PDGFD: variants seen among roughly 807,000 people sequenced by gnomAD.
PDGFD encodes platelet-derived growth factor D.
PDGFD carries 30 observed loss-of-function variants against 44.7 expected under a neutral mutation model. The ratio of observed to expected loss-of-function variants is 0.67; its 90% CI spans 0.50 to 0.91. The LOEUF is 0.91. Among genes scored for constraint, PDGFD ranks in the 40% least tolerant of loss-of-function variants. PDGFD has a pLI of 0.00. For missense variants in PDGFD, 445 were observed against 457.8 expected (o/e 0.97, Z 0.25); for synonymous variants, 173 against 168.4 (o/e 1.03, Z -0.21).
intron 3 of PDGFD, among the ~76,000 whole-genome samples, chr11:103,990,816 A>G (rs189365853): frequency 2.0e-5 from 3 of 152,264 alleles, no homozygotes; most frequent in East Asian, 3.9e-4. Flanking sequence ...CCGAAGGTCA[A>G]TGGTCCTTTA....
chr11:104,019,052 A>T (rs1439867043), intron 1 of PDGFD, among the ~76,000 whole-genome samples: 1 of 152,122 alleles, frequency 6.6e-6, no homozygotes, highest in Non-Finnish European at 1.5e-5. Context: ...TCACCAGGAA[A>T]ACTCTTCTTT....
chr11:104,125,959 T>C (rs939652261), intron 1 of PDGFD, among the ~76,000 whole-genome samples: 1 of 152,168 alleles, frequency 6.6e-6, no homozygotes, highest in Admixed American at 6.5e-5. Flanking sequence ...TGTAACCTCA[T>C]ACATATCATG....
intron 1 of PDGFD, among the ~76,000 whole-genome samples, chr11:104,077,106 G>A (rs1389224571): frequency 2.0e-5 from 3 of 152,168 alleles, no homozygotes; most frequent in Non-Finnish European, 2.9e-5. Flanking sequence ...CTGAGTGCAC[G>A]AGGGTTTGGT....
rs145009505 is a variant in PDGFD, at chr11:104,074,387, T to C, written c.125-74132A>G. ...GGGCAAGTGATACAAGTGCCTAGAA[T>C]TTTCTTTAAGTTGGAACATCTTAAA... On this transcript the variant is annotated intron_variant, in intron 1 of 6. Transcript: ENST00000393158. Among the ~76,000 whole-genome samples the C allele has an allele frequency of 4.6e-5, 7 of 152,336 alleles. No homozygotes were observed. The East Asian group carries it at 1.3e-3, about 29-fold the overall frequency.
At chr11:103,969,474 GTTTTTTTT>G (rs66571550) in intron 3 of PDGFD, among the ~76,000 whole-genome samples, 1 of 89,808 alleles carries the variant, frequency 1.1e-5, no homozygotes, top group African/African-American at 4.4e-5. Context: ...ACCAAGCCTG[GTTTTTTTT>G]TTTTTTTTTT....
chr11:104,000,244 G>A lies in PDGFD; in HGVS notation c.136C>T (p.Leu46Phe), dbSNP rs555056804. The A allele has an allele frequency of 6.2e-7, 1 of 1,613,698 alleles. No individual in the cohort carries two copies. Among genetic ancestry groups the A allele is most frequent in the Non-Finnish European group, 8.5e-7 (1 of 1,179,828 alleles). Residue 46 changes from leucine (L) to phenylalanine (F), a missense_variant, in exon 2 of 7, where the codon CTC becomes TTC. By Grantham distance (22) the Leu-to-Phe change is conservative. Transcript: ENST00000393158. Reference protein sequence around the residue: ...ANLRRDESNHLTDLYRRDETI... With the variant: ...ANLRRDESNHFTDLYRRDETI... The stretch of plus-strand genomic sequence containing the variant: ...TCATCTCTTCGGTACAAGTCTGTGA[G>A]GTGATTGCTCTCTGTTAGTAGTCAC...
At chr11:103,917,648 A>G (rs536932438) in intron 6 of PDGFD, among the ~76,000 whole-genome samples, 1 of 152,120 alleles carries the variant, frequency 6.6e-6, no homozygotes, top group South Asian at 2.1e-4. Flanking sequence ...TGGAAAAGGT[A>G]TCATTATGCC....
At position 104,000,033 on chromosome 11, in the gene PDGFD, A is replaced by G; in HGVS notation, c.329+18T>C. 6.2e-7 allele frequency: 1 copy of G among 1,603,652 alleles called. No homozygotes were observed. The highest frequency in any genetic ancestry group is 1.1e-5 in the South Asian group (1 of 90,484). On this transcript the variant is annotated intron_variant, in intron 2 of 6. Coordinates refer to ENST00000393158, the MANE Select transcript of PDGFD (RefSeq NM_025208.5). ...TTCACCTTGAAATAGTACCGTAAAAATTTTTTTCCCAACTTACCTACAGAT... is the reference window on the plus strand; with the variant it reads ...TTCACCTTGAAATAGTACCGTAAAAGTTTTTTTCCCAACTTACCTACAGAT...
intron 1 of PDGFD, among the ~76,000 whole-genome samples, chr11:104,040,335 T>C (rs1329869951): frequency 6.6e-6 from 1 of 152,074 alleles, no homozygotes; most frequent in Non-Finnish European, 1.5e-5. Context: ...CTATACTGAA[T>C]TGAAAAGCAA....
chr11:104,102,985 G>A (rs1019578708), intron 1 of PDGFD, among the ~76,000 whole-genome samples: 2 of 151,990 alleles, frequency 1.3e-5, no homozygotes, highest in African/African-American at 2.4e-5. Flanking sequence ...GTTAAATGAC[G>A]AGTTAATGGG....
intron 1 of PDGFD, among the ~76,000 whole-genome samples, chr11:104,021,633 A>G (rs1473073153): frequency 1.3e-5 from 2 of 152,186 alleles, no homozygotes; most frequent in African/African-American, 2.4e-5. Flanking sequence ...TCGATATCCA[A>G]CCTGACTCTG....
chr11:103,916,944 C>T (rs954717727), intron 6 of PDGFD, among the ~76,000 whole-genome samples: 3 of 151,960 alleles, frequency 2.0e-5, no homozygotes, highest in Admixed American at 6.6e-5. Flanking sequence ...TTTGTGGGTG[C>T]GGGACTAGGG....
chr11:104,142,870 G>C (rs531906422), intron 1 of PDGFD, among the ~76,000 whole-genome samples: 5 of 152,268 alleles, frequency 3.3e-5, no homozygotes, highest in African/African-American at 1.2e-4. Flanking sequence ...TGTCCGCGAA[G>C]GTTTCAAAGC....
At chr11:104,055,260 G>T (rs1231643725) in intron 1 of PDGFD, among the ~76,000 whole-genome samples, 4 of 152,312 alleles carry the variant, frequency 2.6e-5, no homozygotes, top group Non-Finnish European at 5.9e-5. Context: ...GGGGTCACAC[G>T]GATGTGAGTT....
At chr11:103,979,461 C>T (rs1418241429) in intron 3 of PDGFD, among the ~76,000 whole-genome samples, 3 of 152,090 alleles carry the variant, frequency 2.0e-5, no homozygotes, top group Non-Finnish European at 4.4e-5. Flanking sequence ...GATCTTACCA[C>T]AATTGACTCA....
chr11:104,077,475 G>C (rs1432631160), intron 1 of PDGFD, among the ~76,000 whole-genome samples: 1 of 152,140 alleles, frequency 6.6e-6, no homozygotes, highest in East Asian at 1.9e-4. Context: ...AGGATAAGTG[G>C]GGACAGGGAG....
At chr11:103,910,510 TC>T (rs1858010743) in intron 6 of PDGFD, among the ~76,000 whole-genome samples, 1 of 152,112 alleles carries the variant, frequency 6.6e-6, no homozygotes, top group African/African-American at 2.4e-5. Context: ...GGGATCTCCT[TC>T]CCCCAGCCAA....
chr11:104,115,576 T>C (rs1861624346), intron 1 of PDGFD, among the ~76,000 whole-genome samples: 1 of 152,036 alleles, frequency 6.6e-6, no homozygotes, highest in Non-Finnish European at 1.5e-5. Context: ...CTGGATCAAA[T>C]GGTAGTTCTA....
chr11:103,978,480 C>T (rs1262820335), intron 3 of PDGFD, among the ~76,000 whole-genome samples: 1 of 151,556 alleles, frequency 6.6e-6, no homozygotes, highest in Non-Finnish European at 1.5e-5. Flanking sequence ...TTTTATGGGA[C>T]TTAAATATGT....
Sources: gnomAD v4.1 joint callset for allele counts (sites outside exome capture counted in the v4.1 genomes callset) on GRCh38, gnomAD v4.1.1 for gene constraint, MANE v1.5 for transcripts, NCBI Gene and HGNC (gene_info 2026-07-23, HGNC 2026-07-21) for gene names.